ARHGEF28: variants seen among roughly 807,000 people sequenced by gnomAD.
ARHGEF28 encodes 190 kDa guanine nucleotide exchange factor.
ARHGEF28 carries 152 observed loss-of-function variants against 206.6 expected under a neutral mutation model. That is an observed-to-expected ratio of 0.74 (90% confidence interval 0.64 to 0.84). The LOEUF (loss-of-function observed/expected upper bound fraction) is 0.84, where lower values mean the gene tolerates loss of function less well. Among genes scored for constraint, ARHGEF28 ranks in the 40% least tolerant of loss-of-function variants. ARHGEF28 has a pLI of 0.00. For missense variants in ARHGEF28, 2,028 were observed against 2,073.2 expected (o/e 0.98, Z 0.42); for synonymous variants, 763 against 776.4 (o/e 0.98, Z 0.29).
chr5:73,853,241 G>T lies in ARHGEF28; in HGVS notation c.1790+549G>T, dbSNP rs138747056. Among the ~76,000 whole-genome samples, 4 of 152,334 alleles carry T rather than the reference G, an allele frequency of 2.6e-5. No individual in the cohort carries two copies. In the East Asian group the frequency reaches 7.7e-4, roughly 29 times the overall value. ...AAGGTAAAACTGTTGTTGGAGTATAGCTTGGGAAGCAGACCAGTGTGCAAG... is the reference window on the plus strand; with the variant it reads ...AAGGTAAAACTGTTGTTGGAGTATATCTTGGGAAGCAGACCAGTGTGCAAG... On this transcript the variant is annotated intron_variant, in intron 14 of 35. Transcript: ENST00000513042.
chr5:73,863,788 C>G (rs1455653224), intron 16 of ARHGEF28, among the ~76,000 whole-genome samples: 2 of 152,026 alleles, frequency 1.3e-5, no homozygotes, highest in East Asian at 3.9e-4. Flanking sequence ...TTTACTCACT[C>G]TGCAATGAGG....
chr5:73,892,414 C>A (rs907934452), intron 27 of ARHGEF28, among the ~76,000 whole-genome samples, 184 bp downstream of exon 27: 1 of 152,142 alleles, frequency 6.6e-6, no homozygotes, highest in African/African-American at 2.4e-5. Context: ...GCATGTAATG[C>A]CTGCACCTCC....
intron 7 of ARHGEF28, among the ~76,000 whole-genome samples, chr5:73,783,376 GTGTGTGTGTA>G (rs1481513746): frequency 1.3e-4 from 18 of 134,600 alleles, no homozygotes; most frequent in South Asian, 2.4e-4. Flanking sequence ...GTGTGTGTGT[GTGTGTGTGTA>G]TGTGTGTGTG....
intron 1 of ARHGEF28, among the ~76,000 whole-genome samples, chr5:73,636,630 T>G (rs1283702385): frequency 6.6e-6 from 1 of 152,192 alleles, no homozygotes; most frequent in African/African-American, 2.4e-5. Context: ...GTAGAGTGTG[T>G]GCAAGATGAA....
chr5:73,703,323 TCTTTA>T (rs1166838225), intron 2 of ARHGEF28, among the ~76,000 whole-genome samples: 2 of 152,186 alleles, frequency 1.3e-5, no homozygotes, highest in Admixed American at 6.5e-5. Flanking sequence ...ATGTATTGAT[TCTTTA>T]CTTTGATTCC....
intron 9 of ARHGEF28, among the ~76,000 whole-genome samples, chr5:73,819,883 C>T (rs1215809723): frequency 1.3e-5 from 2 of 152,096 alleles, no homozygotes; most frequent in African/African-American, 2.4e-5. Context: ...TACTTTTTAC[C>T]AGGAGGCATT....
rs1477888497 is a variant in ARHGEF28 at position 73,684,828 on chromosome 5, AT to A, written c.-11-9del. On this transcript the variant is annotated splice_polypyrimidine_tract_variant and intron_variant, in intron 1 of 35. Transcript: ENST00000513042. ...CCTGCAATAACTTCTCTTGTTTATT[AT>A]TTTCATTGCAGATGCGAAAGCCATG... is the stretch of plus-strand genomic sequence containing the variant. 2.5e-6 allele frequency: 4 copies of A among 1,605,658 alleles called. No homozygotes were observed.
chr5:73,864,888 T>A lies in ARHGEF28; in HGVS notation c.2103+16T>A. On this transcript the variant is annotated intron_variant, in intron 17 of 35. Coordinates refer to ENST00000513042, the MANE Select transcript of ARHGEF28 (RefSeq NM_001177693.2). The stretch of plus-strand genomic sequence containing the variant: ...ATGCACCAAGGTAATTGCTCAGTGA[T>A]CTGTGAATATATATGTGGCATGGTT... 6.2e-7 allele frequency: 1 copy of A among 1,611,180 alleles called. No individual in the cohort carries two copies. Among genetic ancestry groups the A allele is most frequent in the Non-Finnish European group, 8.5e-7 (1 of 1,178,026 alleles).
At chr5:73,846,222 G>T (rs373814615) in intron 11 of ARHGEF28, 46 bp from the exon 12 acceptor site, 9 of 1,570,556 alleles carry the variant, frequency 5.7e-6, no homozygotes, top group Non-Finnish European at 7.8e-6. Context: ...ATGACGCTCT[G>T]TGTCCTTCCT....
chr5:73,660,527 C>T (rs963437368), intron 1 of ARHGEF28, among the ~76,000 whole-genome samples: 3 of 152,090 alleles, frequency 2.0e-5, no homozygotes, highest in South Asian at 2.1e-4. Flanking sequence ...GAATTCTTTC[C>T]AGAGGATTTT....
chr5:73,750,234 A>G (rs1176120098), intron 3 of ARHGEF28, among the ~76,000 whole-genome samples: 1 of 152,138 alleles, frequency 6.6e-6, no homozygotes, highest in African/African-American at 2.4e-5. Context: ...ACTGCACCCA[A>G]CTTTTATGGT....
chr5:73,682,267 A>G (rs1185281218), intron 1 of ARHGEF28, among the ~76,000 whole-genome samples: 1 of 152,168 alleles, frequency 6.6e-6, no homozygotes, highest in Non-Finnish European at 1.5e-5. Context: ...ATGACTTGGG[A>G]CCTAGGAGGA....
chr5:73,896,365 T>C (rs775148582), intron 29 of ARHGEF28, among the ~76,000 whole-genome samples: 2 of 151,868 alleles, frequency 1.3e-5, no homozygotes, highest in Non-Finnish European at 2.9e-5. Flanking sequence ...TTAGATGAGG[T>C]GGTGTGGGCC....
At chr5:73,741,810 G>A (rs528442648) in intron 2 of ARHGEF28, among the ~76,000 whole-genome samples, 28 of 152,182 alleles carry the variant, frequency 1.8e-4, no homozygotes, top group African/African-American at 6.3e-4. Flanking sequence ...ATTTAATTAT[G>A]TTAATTATTT....
intron 1 of ARHGEF28, among the ~76,000 whole-genome samples, chr5:73,654,842 A>C (rs917231340): frequency 1.3e-5 from 2 of 152,160 alleles, no homozygotes; most frequent in African/African-American, 2.4e-5. Context: ...CTGAAATGAA[A>C]AGTCAAGGCA....
chr5:73,893,194 A>C lies in ARHGEF28; in HGVS notation c.3567-3A>C. On this transcript the variant is annotated splice_region_variant and splice_polypyrimidine_tract_variant and intron_variant, in intron 27 of 35. Coordinates refer to ENST00000513042, the MANE Select transcript of ARHGEF28 (RefSeq NM_001177693.2). ...TGTGTCTCTTGACTATTGTCTTTTA[A>C]AGTTGTCCTGAAGAAAAAGGGGGAA... 6.5e-7 allele frequency: 1 copy of C among 1,545,760 alleles called. No homozygotes were observed. The highest frequency in any genetic ancestry group is 1.2e-5 in the South Asian group (1 of 81,074).
chr5:73,686,213 A>AAAAAAGGC (rs1747459857), intron 2 of ARHGEF28, among the ~76,000 whole-genome samples: 1 of 152,134 alleles, frequency 6.6e-6, no homozygotes, highest in Admixed American at 6.5e-5. Flanking sequence ...TAAAGATTAA[A>AAAAAAGGC]AAAAAGGCTG....
chr5:73,892,316 T>G, intron 27 of ARHGEF28, 86 bp downstream of exon 27: 1 of 1,449,436 alleles, frequency 6.9e-7, no homozygotes, highest in Non-Finnish European at 9.3e-7. Flanking sequence ...GCATGAAAAC[T>G]TTGCCTCTGC....
chr5:73,898,015 T>C lies in ARHGEF28; in HGVS notation c.3895T>C (p.Ser1299Pro). ...CTCACAGATGGGCGCCGTGAGTCAA[T>C]CATGTGAGGACAGTTGTGGAGACTC... ...KASQMGAVSQ[S>P]CEDSCGDSVL... Residue 1299 changes from serine to proline, a missense_variant, in exon 30 of 36, where the codon TCA (serine) becomes CCA (proline). This residue lies in a region of ARHGEF28 where 803 missense variants were observed against 768.0 expected (regional missense o/e 1.05). Coordinates refer to ENST00000513042, the MANE Select transcript of ARHGEF28 (RefSeq NM_001177693.2). The C allele has an allele frequency of 1.9e-6, 3 of 1,607,610 alleles. No individual in the cohort carries two copies. Among genetic ancestry groups the C allele is most frequent in the Non-Finnish European group, 2.5e-6 (3 of 1,176,926 alleles).
Sources: allele counts gnomAD v4.1 joint callset (sites outside exome capture counted in the v4.1 genomes callset), GRCh38; gene constraint gnomAD v4.1.1; regional missense constraint gnomAD v4.1.1; transcripts MANE v1.5; gene names NCBI Gene and HGNC (gene_info 2026-07-23, HGNC 2026-07-21).